The following RANBP3L variants were observed in gnomAD, a reference collection of about 807,000 sequenced individuals.
RANBP3L encodes RAN binding protein 3 like, also known as ran-binding protein 3-like.
In RANBP3L, 56 loss-of-function variants were observed where a neutral mutation model predicts 67.2. The observed-to-expected ratio is 0.83, with a 90% confidence interval of 0.67 to 1.04. RANBP3L has a LOEUF of 1.04. RANBP3L is among the 50% of genes least tolerant of loss of function. The probability of loss-of-function intolerance (pLI) is 0.00; values close to 1 mark genes in which losing one functional copy is unlikely to be tolerated. For missense variants in RANBP3L, 496 were observed against 535.5 expected, an observed-to-expected ratio of 0.93 and a Z score of 0.73; for synonymous variants, 164 against 181.4, an observed-to-expected ratio of 0.90 and a Z score of 0.77.
chr5:36,267,699 A>G (rs1174168020), intron 4 of RANBP3L, among the ~76,000 whole-genome samples: 1 of 152,216 alleles, frequency 6.6e-6, no homozygotes, highest in Admixed American at 6.5e-5. Flanking sequence ...GAAAATGCCA[A>G]CCATTTCAAA....
chr5:36,252,274 G>C (rs182140712), intron 12 of RANBP3L, among the ~76,000 whole-genome samples: 1 of 151,920 alleles, frequency 6.6e-6, no homozygotes, highest in Non-Finnish European at 1.5e-5. Context: ...TTTATCATTC[G>C]CATTAGTGGG....
At chr5:36,266,903 T>C (rs1749835901) in intron 4 of RANBP3L, among the ~76,000 whole-genome samples, 1 of 152,068 alleles carries the variant, frequency 6.6e-6, no homozygotes, top group South Asian at 2.1e-4. Context: ...ACTACAGGCG[T>C]GCAACACCAT....
Position 36,248,387 on chromosome 5 carries a change from GACTT to G in RANBP3L, c.*1263_*1266del, listed in dbSNP as rs1486442000. 6.6e-6 allele frequency: 1 copy of G among 152,112 alleles called. No homozygotes were observed. Among genetic ancestry groups the G allele is most frequent in the Admixed American group, 6.5e-5 (1 of 15,274 alleles). 9.4% of individuals were successfully genotyped at this position (152,112 alleles called of 1,614,324 possible). A position where few individuals can be genotyped will look rare whatever the true frequency, so the allele number is the denominator to read the frequency against. The stretch of plus-strand genomic sequence containing the variant: ...CAATTGTCATAATCATAATCTGAAA[GACTT>G]AATTTAAATTTCATATGCTAAACTT... On this transcript the variant is annotated 3_prime_UTR_variant, in exon 14 of 14. Transcript: ENST00000296604.
chr5:36,273,726 A>G (rs1245409169), intron 1 of RANBP3L, among the ~76,000 whole-genome samples: 1 of 152,208 alleles, frequency 6.6e-6, no homozygotes, highest in Non-Finnish European at 1.5e-5. Flanking sequence ...TTAAAATTAT[A>G]TTTTTAAAAT....
chr5:36,270,612 T>G (rs1750136060), intron 2 of RANBP3L, among the ~76,000 whole-genome samples: 1 of 152,170 alleles, frequency 6.6e-6, no homozygotes, highest in Non-Finnish European at 1.5e-5. Flanking sequence ...TGTCTCAGGC[T>G]CCCAAGTAGC....
intron 1 of RANBP3L, among the ~76,000 whole-genome samples, chr5:36,295,716 T>A (rs915266752): frequency 6.6e-6 from 1 of 151,278 alleles, no homozygotes; most frequent in Non-Finnish European, 1.5e-5. Flanking sequence ...TCCTAATATT[T>A]GTGAAGTGGG....
At chr5:36,284,473 G>C (rs543426930) in intron 1 of RANBP3L, among the ~76,000 whole-genome samples, 2 of 152,208 alleles carry the variant, frequency 1.3e-5, no homozygotes, top group Non-Finnish European at 2.9e-5. Flanking sequence ...TCAAGTTAAT[G>C]ATTTAGTGTA....
At chr5:36,294,624 A>G (rs1429957786) in intron 1 of RANBP3L, among the ~76,000 whole-genome samples, 1 of 151,854 alleles carries the variant, frequency 6.6e-6, no homozygotes, top group Admixed American at 6.6e-5. Context: ...TTGGTTTCAA[A>G]GAACATTTTT....
intron 1 of RANBP3L, among the ~76,000 whole-genome samples, chr5:36,290,542 G>A (rs1248207996): frequency 6.6e-6 from 1 of 151,900 alleles, no homozygotes; most frequent in East Asian, 1.9e-4. Context: ...GATTAATCTA[G>A]GTAGGGGTTT....
At chr5:36,255,207 T>C (rs1748882637) in intron 11 of RANBP3L, among the ~76,000 whole-genome samples, 1 of 152,088 alleles carries the variant, frequency 6.6e-6, no homozygotes, top group South Asian at 2.1e-4. Context: ...CCATTTTAAA[T>C]TGATATAAGT....
chr5:36,301,224 T>C (rs1295948006), intron 1 of RANBP3L, 102 bp downstream of exon 1: 3 of 822,332 alleles, frequency 3.6e-6, no homozygotes, highest in Admixed American at 1.7e-5. Flanking sequence ...ATCACTATTA[T>C]GTCAGAGCTT....
In RANBP3L at chr5:36,289,982, C is replaced by A. The variant is rs115429728; in HGVS notation, c.91+11344G>T. ...TTCCTAATCTTAAGAGGAAAATGTG[C>A]AATCTTCTACATCGAGTAGTGTTAG... On this transcript the variant is annotated intron_variant, in intron 1 of 13. Transcript: ENST00000296604. Among the ~76,000 whole-genome samples the A allele has an allele frequency of 7.8e-3, 1,185 of 152,184 alleles. 16 individuals carry two copies. The highest frequency in any genetic ancestry group is 0.027 in the African/African-American group (1,103 of 41,526).
At chr5:36,299,335 A>ATGTGTGTGTGTGTGTGTG (rs368964724) in intron 1 of RANBP3L, among the ~76,000 whole-genome samples, 8 of 145,362 alleles carry the variant, frequency 5.5e-5, no homozygotes, top group African/African-American at 1.8e-4. Context: ...ACATACATAT[A>ATGTGTGTGTGTGTGTGTG]TGTGTGTGTG....
chr5:36,275,141 C>T (rs921902357), intron 1 of RANBP3L, among the ~76,000 whole-genome samples: 5 of 152,126 alleles, frequency 3.3e-5, no homozygotes, highest in South Asian at 2.1e-4. Flanking sequence ...AGAAAGAACA[C>T]GAAGTACTAT....
intron 1 of RANBP3L, among the ~76,000 whole-genome samples, chr5:36,294,828 A>G (rs1394070327): frequency 1.2e-4 from 18 of 146,900 alleles, no homozygotes; most frequent in Admixed American, 9.5e-4. Context: ...GTTTATATAT[A>G]CATATATATG....
At chr5:36,284,260 C>A (rs968158858) in intron 1 of RANBP3L, among the ~76,000 whole-genome samples, 1 of 152,152 alleles carries the variant, frequency 6.6e-6, no homozygotes, top group African/African-American at 2.4e-5. Context: ...ATTCCTATGA[C>A]CTTTTGTTTG....
chr5:36,292,715 A>G (rs1197223412), intron 1 of RANBP3L, among the ~76,000 whole-genome samples: 4 of 151,934 alleles, frequency 2.6e-5, no homozygotes, highest in African/African-American at 9.6e-5. Context: ...AGTTGTAGAT[A>G]TGCAGTGTTA....
rs75318386 is a variant in RANBP3L, at chr5:36,296,089, C to A, written c.91+5237G>T. Among the ~76,000 whole-genome samples, 1,875 of 152,240 alleles carry A rather than the reference C, an allele frequency of 0.012. 165 individuals are homozygous for A. In the East Asian group the frequency reaches 0.23, roughly 19 times the overall value. On this transcript the variant is annotated intron_variant, in intron 1 of 13. Transcript: ENST00000296604. The stretch of plus-strand genomic sequence containing the variant: ...GAAGCAGAGGCTCCTGTGCTCATGA[C>A]CCTTCCAGTCCTCCTCCCATGTACC...
At chr5:36,301,252 G>T in intron 1 of RANBP3L, 74 bp downstream of exon 1, 1 of 1,125,748 alleles carries the variant, frequency 8.9e-7, no homozygotes, top group Non-Finnish European at 1.4e-6. Flanking sequence ...TCCTTCACCA[G>T]CCCACCATTC....
Sources: allele counts gnomAD v4.1 joint callset (sites outside exome capture counted in the v4.1 genomes callset), GRCh38; gene constraint gnomAD v4.1.1; transcripts MANE v1.5; gene names NCBI Gene and HGNC (gene_info 2026-07-23, HGNC 2026-07-21).